Variants in TCF20 observed in about 807,000 individuals in gnomAD.
TCF20 encodes SPRE-binding protein.
TCF20 carries 3 observed loss-of-function variants against 148.6 expected under a neutral mutation model. The ratio of observed to expected loss-of-function variants is 0.02; its 90% CI spans 0.01 to 0.05. TCF20 has a LOEUF of 0.05. Ranked by LOEUF, TCF20 falls within the 10% of genes least tolerant of loss-of-function variation. TCF20 has a pLI of 1.00. For synonymous variants in TCF20, 1,049 were observed against 909.5 expected (o/e 1.15, Z -2.76); for missense variants, 2,350 against 2,429.3 (o/e 0.97, Z 0.69).
In TCF20 at chr22:42,197,191, C is replaced by A. The variant is rs536042548; in HGVS notation, c.5655+12460G>T. Among the ~76,000 whole-genome samples the A allele has an allele frequency of 3.7e-4, 56 of 152,254 alleles. 1 individual carries two copies. In the South Asian group the frequency reaches 0.011, roughly 29 times the overall value. On this transcript the variant is annotated intron_variant, in intron 2 of 5. Transcript: ENST00000677622. ...GCTAGGTAGCTCATAATATTTGCTT[C>A]CTTTAAAACCACATCAACTCAAAAG...
chr22:42,214,536 C>T lies in TCF20; in HGVS notation c.770G>A (p.Gly257Glu). ...ATTGTAACTGCCATCATAGCTCTGT[C>T]CAGACTGGCTAAAACGCTGTGGTGA... is the stretch of plus-strand genomic sequence containing the variant. ...FPSPQRFSQS[G>E]QSYDGSYNVN... is the part of the protein sequence containing the mutation. Residue 257 changes from glycine to glutamate, a missense_variant, in exon 2 of 6, where the codon GGA becomes GAA. By Grantham distance (98) the Gly-to-Glu change is moderately conservative. Transcript: ENST00000677622. The T allele has an allele frequency of 6.2e-7, 1 of 1,614,156 alleles. No individual in the cohort carries two copies. Among genetic ancestry groups the T allele is most frequent in the Non-Finnish European group, 8.5e-7 (1 of 1,180,032 alleles).
intron 1 of TCF20, among the ~76,000 whole-genome samples, chr22:42,258,330 T>C (rs1300717087): frequency 6.6e-6 from 1 of 152,086 alleles, no homozygotes; most frequent in Non-Finnish European, 1.5e-5. Flanking sequence ...TCCTGCCCCA[T>C]GCGCAGCCTG....
intron 1 of TCF20, among the ~76,000 whole-genome samples, chr22:42,305,476 C>A (rs1012603309): frequency 6.6e-6 from 1 of 152,128 alleles, no homozygotes; most frequent in African/African-American, 2.4e-5. Flanking sequence ...TCTCCCAGTC[C>A]CCAGGGGAGA....
At chr22:42,274,263 G>A (rs1312288831), upstream of TCF20, 3 of 152,678 alleles carry the variant, frequency 2.0e-5, no homozygotes, top group East Asian at 1.9e-4. Flanking sequence ...CCCAAGCCAC[G>A]CACTGTCCCC....
intron 1 of TCF20, among the ~76,000 whole-genome samples, chr22:42,314,704 G>C (rs1876989268): frequency 1.3e-5 from 2 of 152,246 alleles, no homozygotes; most frequent in Admixed American, 1.3e-4. Context: ...GCCCAGTGCT[G>C]ACTGGCACAG....
At chr22:42,201,917 C>A (rs1938055760) in intron 2 of TCF20, among the ~76,000 whole-genome samples, 1 of 152,128 alleles carries the variant, frequency 6.6e-6, no homozygotes, top group African/African-American at 2.4e-5. Flanking sequence ...TTAGTCCCTC[C>A]CTTTTGCCTT....
intron 1 of TCF20, among the ~76,000 whole-genome samples, chr22:42,307,841 ACT>A (rs1927462521): frequency 6.6e-6 from 1 of 151,652 alleles, no homozygotes; most frequent in Non-Finnish European, 1.5e-5. Context: ...GGTCCCTCAG[ACT>A]CTCTGAGCTC....
At chr22:42,340,391 C>T (rs73886046) in intron 1 of TCF20, among the ~76,000 whole-genome samples, 57 of 152,066 alleles carry the variant, frequency 3.7e-4, no homozygotes, top group Non-Finnish European at 7.2e-4. Context: ...CCCGCGGTAG[C>T]CTGCACCCAG....
chr22:42,224,551 A>G (rs1004579899), intron 1 of TCF20, among the ~76,000 whole-genome samples: 2 of 149,242 alleles, frequency 1.3e-5, no homozygotes, highest in Non-Finnish European at 3.0e-5. Flanking sequence ...AAAAAAAAAA[A>G]AAAAAAAAAA....
chr22:42,227,350 C>A (rs1276933152), intron 1 of TCF20, among the ~76,000 whole-genome samples: 1 of 152,074 alleles, frequency 6.6e-6, no homozygotes, highest in Non-Finnish European at 1.5e-5. Flanking sequence ...GCTCACATAC[C>A]CTCTTTCAAC....
At chr22:42,166,766 C>T (rs576490975) in intron 5 of TCF20, among the ~76,000 whole-genome samples, 3 of 152,064 alleles carry the variant, frequency 2.0e-5, no homozygotes, top group Non-Finnish European at 2.9e-5. Flanking sequence ...AATTCCAGGA[C>T]AAAAACAAAA....
At chr22:42,316,766 C>T (rs1315771334) in intron 1 of TCF20, among the ~76,000 whole-genome samples, 2 of 152,134 alleles carry the variant, frequency 1.3e-5, no homozygotes, top group Non-Finnish European at 2.9e-5. Flanking sequence ...AGCCAGGATC[C>T]GAACACATCA....
chr22:42,261,082 G>A (rs1926004205), intron 1 of TCF20, among the ~76,000 whole-genome samples: 2 of 152,150 alleles, frequency 1.3e-5, no homozygotes, highest in Admixed American at 1.3e-4. Context: ...TGCCCATTCT[G>A]GAATGTCCAT....
intron 1 of TCF20, among the ~76,000 whole-genome samples, chr22:42,316,180 G>A (rs1321712910): frequency 6.6e-6 from 1 of 151,184 alleles, no homozygotes; most frequent in African/African-American, 2.4e-5. Flanking sequence ...CTTTATCCGA[G>A]CACCAGGGAG....
At chr22:42,340,933 G>A (rs1601712745) in intron 1 of TCF20, among the ~76,000 whole-genome samples, 1 of 149,796 alleles carries the variant, frequency 6.7e-6, no homozygotes, top group East Asian at 2.0e-4. Context: ...TCTGGTCAGG[G>A]AGAAAGCCTC....
chr22:42,314,658 T>C (rs1462351565), intron 1 of TCF20, among the ~76,000 whole-genome samples: 2 of 152,228 alleles, frequency 1.3e-5, no homozygotes, highest in Admixed American at 6.5e-5. Flanking sequence ...CAGGGGGTCC[T>C]GCCCTGCACC....
At chr22:42,319,966 C>G (rs1435559046) in intron 1 of TCF20, among the ~76,000 whole-genome samples, 1 of 152,132 alleles carries the variant, frequency 6.6e-6, no homozygotes, top group Non-Finnish European at 1.5e-5. Context: ...CCAGATCCTG[C>G]CCCACTGCTC....
At chr22:42,182,496 G>A (rs1388856932) in intron 2 of TCF20, among the ~76,000 whole-genome samples, 1 of 152,184 alleles carries the variant, frequency 6.6e-6, no homozygotes, top group Non-Finnish European at 1.5e-5. Context: ...GAGAAGACGT[G>A]GAGCTTAGAT....
At chr22:42,289,968 C>G (rs1232101932) in intron 1 of TCF20, among the ~76,000 whole-genome samples, 1 of 152,274 alleles carries the variant, frequency 6.6e-6, no homozygotes, top group East Asian at 1.9e-4. Context: ...GGCCGAACTC[C>G]CACCGCTAAT....
Sources: allele counts gnomAD v4.1 joint callset (sites outside exome capture counted in the v4.1 genomes callset), GRCh38; gene constraint gnomAD v4.1.1; transcripts MANE v1.5; gene names NCBI Gene and HGNC (gene_info 2026-07-23, HGNC 2026-07-21).